FHOD3: variants seen among roughly 807,000 people sequenced by gnomAD.
The protein encoded by FHOD3 is formin homology 2 domain containing 3, also known as FH1/FH2 domain-containing protein 3.
Under a neutral mutation model 173.0 loss-of-function variants are expected in FHOD3, and 90 were observed. The ratio of observed to expected loss-of-function variants is 0.52; its 90% CI spans 0.44 to 0.62. The LOEUF (loss-of-function observed/expected upper bound fraction) is 0.62. FHOD3 is among the 20% of genes least tolerant of loss of function. The pLI is 0.00. For synonymous variants in FHOD3, 828 were observed against 823.0 expected, an observed-to-expected ratio of 1.01 and a Z score of -0.10; for missense variants, 1,945 against 2,034.7, an observed-to-expected ratio of 0.96 and a Z score of 0.85.
At chr18:36,637,571 T>C (rs559783358) in intron 10 of FHOD3, among the ~76,000 whole-genome samples, 50 of 152,330 alleles carry the variant, frequency 3.3e-4, no homozygotes, top group African/African-American at 1.1e-3. Context: ...TCCTATTTCC[T>C]TGTGCCTCCC....
chr18:36,698,121 A>G (rs2039389553), intron 17 of FHOD3, among the ~76,000 whole-genome samples: 1 of 152,152 alleles, frequency 6.6e-6, no homozygotes, highest in African/African-American at 2.4e-5. Flanking sequence ...AGGAAACTAG[A>G]TTCCTTGTGG....
intron 17 of FHOD3, among the ~76,000 whole-genome samples, chr18:36,694,450 C>T (rs529224689): frequency 1.2e-4 from 19 of 152,300 alleles, no homozygotes; most frequent in African/African-American, 4.3e-4. Context: ...ACTCCCGATC[C>T]CTGAGCCATG....
At chr18:36,479,667 C>T (rs1345340787) in intron 3 of FHOD3, among the ~76,000 whole-genome samples, 1 of 151,908 alleles carries the variant, frequency 6.6e-6, no homozygotes, top group Non-Finnish European at 1.5e-5. Flanking sequence ...TATTCTTAGA[C>T]ATATATTAAG....
intron 10 of FHOD3, among the ~76,000 whole-genome samples, chr18:36,628,529 A>G (rs981852914): frequency 1.3e-5 from 2 of 152,230 alleles, no homozygotes. Context: ...AAAGACTAAT[A>G]AGAGCTTGAA....
intron 3 of FHOD3, among the ~76,000 whole-genome samples, chr18:36,460,931 G>T (rs1250104431): frequency 6.6e-6 from 1 of 152,180 alleles, no homozygotes; most frequent in Non-Finnish European, 1.5e-5. Context: ...CCAAGGTGCT[G>T]ATGCTGACCC....
chr18:36,512,052 T>G (rs376783759), intron 4 of FHOD3, among the ~76,000 whole-genome samples: 30 of 152,360 alleles, frequency 2.0e-4, no homozygotes, highest in African/African-American at 6.7e-4. Context: ...TGATAGTCTT[T>G]GCTGCAATCA....
intron 3 of FHOD3, among the ~76,000 whole-genome samples, chr18:36,445,535 A>G (rs1166782587): frequency 1.3e-5 from 2 of 152,184 alleles, no homozygotes; most frequent in Admixed American, 6.5e-5. Flanking sequence ...CAAATTGTAA[A>G]TGGAGTGGTA....
rs59643595 is a variant in FHOD3 at position 36,502,285 on chromosome 18, CAT to C, written c.405+287_405+288del. ...TTATTATACTTTAAGTTCTGGGACA[CAT>C]GTGCAAAATGTGCAGGTTTGTTACA... On this transcript the variant is annotated intron_variant, in intron 4 of 28. Coordinates refer to ENST00000590592, the MANE Select transcript of FHOD3 (RefSeq NM_001281740.3). 0.24 allele frequency among the ~76,000 whole-genome samples: 35,595 copies of C among 150,954 alleles called. 4,804 individuals carry two copies. Among genetic ancestry groups the C allele is most frequent in the Non-Finnish European group, 0.32 (21,618 of 67,742 alleles).
intron 24 of FHOD3, among the ~76,000 whole-genome samples, chr18:36,748,380 ACAACACACACAC>A (rs2042248770): frequency 2.5e-5 from 3 of 121,214 alleles, no homozygotes; most frequent in African/African-American, 1.2e-4. Flanking sequence ...ACACACACAC[ACAACACACACAC>A]ACACACACAC....
In FHOD3 at chr18:36,734,658, T is replaced by C. The variant is rs74824427; in HGVS notation, c.3576+3854T>C. ...GATCTAGATCCATGTGCCAAACCAA[T>C]ACCCAGAGCTTGTTCTCTAGGCTTG... On this transcript the variant is annotated intron_variant, in intron 20 of 28. Coordinates refer to ENST00000590592, the MANE Select transcript of FHOD3 (RefSeq NM_001281740.3). 9.3e-3 allele frequency among the ~76,000 whole-genome samples: 1,414 copies of C among 152,240 alleles called. 17 individuals carry two copies. The highest frequency in any genetic ancestry group is 0.014 in the Non-Finnish European group (945 of 67,990).
Position 36,681,484 on chromosome 18 carries a change from G to A in FHOD3, c.1884G>A (p.Glu628=). The change falls in exon 15 of 29, where the codon GAG becomes GAA. Residue 628 remains glutamate, a synonymous_variant. Coordinates refer to ENST00000590592, the MANE Select transcript of FHOD3 (RefSeq NM_001281740.3). ...CATCATCCTTCAGGCAGCACCAAGA[G>A]TCACTGGCAGCAGAGAGAGAGAGGC... ...LLTSSFRQHQ[E]SLAAERERRR... 6.2e-7 allele frequency: 1 copy of A among 1,613,934 alleles called. No homozygotes were observed. The highest frequency in any genetic ancestry group is 8.5e-7 in the Non-Finnish European group (1 of 1,179,918).
chr18:36,454,962 G>A (rs1241677238), intron 3 of FHOD3, among the ~76,000 whole-genome samples: 1 of 152,140 alleles, frequency 6.6e-6, no homozygotes, highest in African/African-American at 2.4e-5. Context: ...TCTCTCATCT[G>A]CAGAGTCCCA....
Position 36,429,357 on chromosome 18 carries a change from G to A in FHOD3, c.337+56613G>A, listed in dbSNP as rs141844908. On this transcript the variant is annotated intron_variant, in intron 3 of 28. Transcript: ENST00000590592. ...GAGAAGTGAAGAACTAAGTAGACTTGTAATTAATGAGATTTAGAGCCCCAG... is the reference window on the plus strand; with the variant it reads ...GAGAAGTGAAGAACTAAGTAGACTTATAATTAATGAGATTTAGAGCCCCAG... Among the ~76,000 whole-genome samples the A allele has an allele frequency of 7.5e-3, 1,138 of 152,296 alleles. 6 individuals carry two copies. The highest frequency in any genetic ancestry group is 0.025 in the African/African-American group (1,043 of 41,548).
At chr18:36,693,149 A>G in intron 16 of FHOD3, 60 bp from the exon 17 acceptor site, 6 of 1,502,356 alleles carry the variant, frequency 4.0e-6, no homozygotes, top group Non-Finnish European at 5.5e-6. Flanking sequence ...ATCCATAAAC[A>G]AGCATCAGCC....
At chr18:36,616,184 G>C (rs2033180063) in intron 9 of FHOD3, among the ~76,000 whole-genome samples, 1 of 152,186 alleles carries the variant, frequency 6.6e-6, no homozygotes, top group South Asian at 2.1e-4. Flanking sequence ...GTAGAAGATG[G>C]ACTTTTTCCA....
chr18:36,538,457 A>G (rs774663396), intron 5 of FHOD3, among the ~76,000 whole-genome samples: 9 of 152,244 alleles, frequency 5.9e-5, no homozygotes, highest in Non-Finnish European at 1.3e-4. Context: ...ACAAATCATT[A>G]ATGTCAGGGA....
At position 36,687,175 on chromosome 18, in the gene FHOD3, A is replaced by G. The variant is rs2038674527; in HGVS notation, c.2018A>G (p.Glu673Gly). ...KREEQRQARE[E>G]RYKYLEQLAA... Reference sequence around the variant, plus strand: ...GAGGAGCAAAGGCAAGCAAGAGAAGAAAGGTTTGTATATTTCTTCTTTCCC... The same window carrying G: ...GAGGAGCAAAGGCAAGCAAGAGAAGGAAGGTTTGTATATTTCTTCTTTCCC... Residue 673 changes from glutamate to glycine, a missense_variant, in exon 16 of 29, where the codon GAA (glutamate) becomes GGA (glycine). Physicochemically the swap from Glu to Gly is moderately conservative, Grantham distance 98 (BLOSUM62 -2). Coordinates refer to ENST00000590592, the MANE Select transcript of FHOD3 (RefSeq NM_001281740.3). The G allele has an allele frequency of 6.2e-7, 1 of 1,609,444 alleles. No homozygotes were observed. Among genetic ancestry groups the G allele is most frequent in the African/African-American group, 1.3e-5 (1 of 74,958 alleles).
chr18:36,615,473 T>A (rs1347973616), intron 9 of FHOD3, among the ~76,000 whole-genome samples: 5 of 152,206 alleles, frequency 3.3e-5, no homozygotes, highest in African/African-American at 4.8e-5. Context: ...TTTCTGGTCT[T>A]TTTTGTATAT....
chr18:36,355,475 A>G, intron 1 of FHOD3, 64 bp from the exon 2 acceptor site: 4 of 1,329,116 alleles, frequency 3.0e-6, no homozygotes, highest in Non-Finnish European at 3.2e-6. Flanking sequence ...ACATGATGTG[A>G]TTTCTCCATA....
Sources: gnomAD v4.1 joint callset for allele counts (sites outside exome capture counted in the v4.1 genomes callset) on GRCh38, gnomAD v4.1.1 for gene constraint, MANE v1.5 for transcripts, NCBI Gene and HGNC (gene_info 2026-07-23, HGNC 2026-07-21) for gene names.